Variants in SEMA3D observed in about 807,000 individuals in gnomAD.
SEMA3D encodes semaphorin 3D.
Under a neutral mutation model 100.1 loss-of-function variants are expected in SEMA3D, and 84 were observed. The observed-to-expected ratio is 0.84, with a 90% confidence interval of 0.70 to 1.01. The LOEUF (loss-of-function observed/expected upper bound fraction) is 1.01, where lower values mean the gene tolerates loss of function less well. Ranked by LOEUF, SEMA3D falls within the 50% of genes least tolerant of loss-of-function variation. SEMA3D has a pLI of 0.00. For synonymous variants in SEMA3D, 312 were observed against 320.7 expected (o/e 0.97, Z 0.29); for missense variants, 875 against 934.1 (o/e 0.94, Z 0.82).
the SEMA3D span, among the ~76,000 whole-genome samples, chr7:85,195,365 T>C: frequency 1.3e-5 from 2 of 152,256 alleles, no homozygotes; most frequent in South Asian, 4.1e-4. Context: ...TATTCTATAA[T>C]CCCCAGACTT....
intron 3 of SEMA3D, 144 bp downstream of exon 3, chr7:85,121,597 C>T (rs1318892799): frequency 1.3e-5 from 7 of 525,538 alleles, no homozygotes; most frequent in Non-Finnish European, 1.9e-5. Context: ...AATTGGGCTT[C>T]GTGTTCTATA....
At chr7:85,035,883 AATT>A in intron 12 of SEMA3D, among the ~76,000 whole-genome samples, 1 of 152,190 alleles carries the variant, frequency 6.6e-6, no homozygotes, top group African/African-American at 2.4e-5. Flanking sequence ...TATATTGGGG[AATT>A]ATTAAGGGGA....
intron 2 of SEMA3D, chr7:85,140,717 A>G: frequency 1.0e-6 from 1 of 980,090 alleles, no homozygotes; most frequent in Non-Finnish European, 1.2e-6. Context: ...AATCTATTTA[A>G]TACAAGTTTC....
At chr7:85,137,981 ACAGT>A (rs1379315139) in intron 2 of SEMA3D, among the ~76,000 whole-genome samples, 37 of 152,266 alleles carry the variant, frequency 2.4e-4, no homozygotes, top group African/African-American at 8.2e-4. Context: ...ACATCGACTT[ACAGT>A]CAAATTTTCT....
the SEMA3D span, among the ~76,000 whole-genome samples, chr7:85,234,782 A>C: frequency 6.6e-6 from 1 of 152,232 alleles, no homozygotes; most frequent in African/African-American, 2.4e-5. Context: ...TGAAGCAAAT[A>C]GTATTATTCA....
chr7:85,242,008 G>C, the SEMA3D span, among the ~76,000 whole-genome samples: 1 of 151,702 alleles, frequency 6.6e-6, no homozygotes, highest in African/African-American at 2.4e-5. Flanking sequence ...CAGTTTGGAG[G>C]TTCCTCAAAA....
chr7:85,097,483 AATTT>A (rs1457253196), intron 4 of SEMA3D, among the ~76,000 whole-genome samples: 1 of 151,908 alleles, frequency 6.6e-6, no homozygotes, highest in African/African-American at 2.4e-5. Context: ...ATGTATAACT[AATTT>A]GTCATTTCTT....
chr7:85,226,716 T>C, the SEMA3D span, among the ~76,000 whole-genome samples: 1 of 151,970 alleles, frequency 6.6e-6, no homozygotes, highest in African/African-American at 2.4e-5. Context: ...ATATAAGAAA[T>C]GTCTTTGTTG....
At chr7:85,201,456 T>G in the SEMA3D span, among the ~76,000 whole-genome samples, 1 of 152,176 alleles carries the variant, frequency 6.6e-6, no homozygotes, top group African/African-American at 2.4e-5. Flanking sequence ...CTCAATCTCC[T>G]TTTTAATCTT....
chr7:85,130,340 GTTAT>G (rs1789692366), intron 2 of SEMA3D, among the ~76,000 whole-genome samples: 1 of 152,092 alleles, frequency 6.6e-6, no homozygotes, highest in African/African-American at 2.4e-5. Context: ...AGCAGTAATA[GTTAT>G]TTAGTGAACA....
chr7:85,168,818 G>GA (rs1266120369), intron 1 of SEMA3D, among the ~76,000 whole-genome samples: 890 of 63,762 alleles, frequency 0.014, 9 homozygotes, highest in East Asian at 0.03. Flanking sequence ...AAGAAAGAAA[G>GA]ATGAAAGAAA....
At chr7:85,115,879 A>G (rs1419765605) in intron 3 of SEMA3D, among the ~76,000 whole-genome samples, 1 of 152,178 alleles carries the variant, frequency 6.6e-6, no homozygotes, top group Non-Finnish European at 1.5e-5. Context: ...CATGTTTAAT[A>G]GTATAAGAAA....
the SEMA3D span, among the ~76,000 whole-genome samples, chr7:85,201,317 C>T: frequency 6.6e-6 from 1 of 152,118 alleles, no homozygotes; most frequent in South Asian, 2.1e-4. Context: ...TTTTAAGCCC[C>T]TTCATTACAA....
chr7:85,138,578 C>T (rs1247011538), intron 2 of SEMA3D, among the ~76,000 whole-genome samples: 1 of 148,022 alleles, frequency 6.8e-6, no homozygotes, highest in Non-Finnish European at 1.5e-5. Flanking sequence ...ACCTTTCACC[C>T]CTTTCTTTCC....
chr7:85,155,237 C>G (rs1011203487), intron 1 of SEMA3D, among the ~76,000 whole-genome samples: 1 of 151,980 alleles, frequency 6.6e-6, no homozygotes, highest in South Asian at 2.1e-4. Context: ...TATCCATATA[C>G]GTTACCCCTA....
Position 85,179,731 on chromosome 7 carries a change from G to A in SEMA3D, c.-173+6947C>T, listed in dbSNP as rs550777282. 8.6e-5 allele frequency among the ~76,000 whole-genome samples: 13 copies of A among 150,438 alleles called. No homozygotes were observed. In the East Asian group the frequency reaches 2.5e-3, roughly 29 times the overall value. On this transcript the variant is annotated intron_variant, in intron 1 of 18. Coordinates refer to ENST00000284136, the MANE Select transcript of SEMA3D (RefSeq NM_001384900.1). ...GGCCGGACTGCAGTGGTGCTATCTCGGCTCACTGCAAGCTCCGCCTCCTGG... is the reference window on the plus strand; with the variant it reads ...GGCCGGACTGCAGTGGTGCTATCTCAGCTCACTGCAAGCTCCGCCTCCTGG...
intron 6 of SEMA3D, among the ~76,000 whole-genome samples, chr7:85,070,825 G>A (rs1287273572): frequency 6.6e-6 from 1 of 152,156 alleles, no homozygotes; most frequent in African/African-American, 2.4e-5. Flanking sequence ...CTGTCGCCCA[G>A]GCTGGAGTGC....
chr7:85,231,640 C>T, the SEMA3D span, among the ~76,000 whole-genome samples: 1 of 151,930 alleles, frequency 6.6e-6, no homozygotes, highest in Non-Finnish European at 1.5e-5. Context: ...TTAGTAGAGA[C>T]AGGGTTTCAC....
At chr7:85,170,605 A>G (rs1393327988) in intron 1 of SEMA3D, among the ~76,000 whole-genome samples, 4 of 151,922 alleles carry the variant, frequency 2.6e-5, no homozygotes, top group Non-Finnish European at 5.9e-5. Context: ...AGTCTAATAA[A>G]TTATTTCTTA....
Sources: gnomAD v4.1 joint callset for allele counts (sites outside exome capture counted in the v4.1 genomes callset) on GRCh38, gnomAD v4.1.1 for gene constraint, MANE v1.5 for transcripts, NCBI Gene and HGNC (gene_info 2026-07-23, HGNC 2026-07-21) for gene names.